IL1RAPL1: variants seen among roughly 807,000 people sequenced by gnomAD.
The protein encoded by IL1RAPL1 is interleukin-1 receptor accessory protein-like 1.
Under a neutral mutation model 48.4 loss-of-function variants are expected in IL1RAPL1, and 3 were observed. The observed-to-expected ratio is 0.06, with a 90% CI of 0.03 to 0.16. The LOEUF (loss-of-function observed/expected upper bound fraction) is 0.16, where lower values mean the gene tolerates loss of function less well. Among genes scored for constraint, IL1RAPL1 ranks in the 10% least tolerant of loss-of-function variants. The pLI, the probability that IL1RAPL1 is intolerant of heterozygous loss-of-function variation, is 1.00. For synonymous variants in IL1RAPL1, 185 were observed against 187.7 expected, an observed-to-expected ratio of 0.99 and a Z score of 0.12; for missense variants, 349 against 530.6, an observed-to-expected ratio of 0.66 and a Z score of 3.36.
intron 1 of IL1RAPL1, among the ~76,000 whole-genome samples, chrX:28,731,458 G>T (rs1328237297): frequency 1.8e-5 from 2 of 112,412 alleles, no homozygotes; most frequent in Admixed American, 1.9e-4. Context: ...GGACAAAAAA[G>T]AAGGGCATTT....
intron 2 of IL1RAPL1, among the ~76,000 whole-genome samples, chrX:28,892,077 T>C (rs980636947): frequency 9.0e-6 from 1 of 111,293 alleles, no homozygotes; most frequent in African/African-American, 3.3e-5. Flanking sequence ...TCTGTGCTAT[T>C]ATTGAATTAT....
At chrX:28,815,855 AT>A (rs1936860535) in intron 2 of IL1RAPL1, among the ~76,000 whole-genome samples, 1 of 66,188 alleles carries the variant, frequency 1.5e-5, no homozygotes, top group African/African-American at 4.9e-5. Flanking sequence ...ATATATATAT[AT>A]ATATATATAT....
chrX:29,001,772 G>A (rs1317307298), intron 2 of IL1RAPL1, among the ~76,000 whole-genome samples: 5 of 111,178 alleles, frequency 4.5e-5, no homozygotes, highest in African/African-American at 1.6e-4. Flanking sequence ...TTCATTCTGA[G>A]ATCATCAGAT....
intron 2 of IL1RAPL1, among the ~76,000 whole-genome samples, chrX:28,930,782 C>A (rs1052795918): frequency 5.4e-5 from 6 of 111,415 alleles, no homozygotes; most frequent in African/African-American, 2.0e-4. Context: ...GCTGGGACTA[C>A]AGGCACCTGC....
At chrX:29,031,727 A>G (rs769665284) in intron 2 of IL1RAPL1, among the ~76,000 whole-genome samples, 11 of 111,416 alleles carry the variant, frequency 9.9e-5, no homozygotes, top group Non-Finnish European at 1.9e-4. Flanking sequence ...GATGATTTCT[A>G]TAGTGGGAGC....
At chrX:29,800,704 G>A (rs1463215483) in intron 6 of IL1RAPL1, among the ~76,000 whole-genome samples, 1 of 106,799 alleles carries the variant, frequency 9.4e-6, no homozygotes, top group Admixed American at 1.0e-4. Flanking sequence ...CTCATCTTTG[G>A]CCAGGCGCAG....
intron 2 of IL1RAPL1, among the ~76,000 whole-genome samples, chrX:29,102,025 A>G (rs1928350394): frequency 8.9e-6 from 1 of 112,172 alleles, no homozygotes; most frequent in Non-Finnish European, 1.9e-5. Context: ...AGGCAAATCA[A>G]TCAGTGTGGT....
chrX:29,270,305 T>G (rs750255943), intron 2 of IL1RAPL1, among the ~76,000 whole-genome samples: 1 of 112,076 alleles, frequency 8.9e-6, no homozygotes, highest in East Asian at 2.8e-4. Context: ...GTCCATTTGT[T>G]CTTTTATGAG....
chrX:28,912,277 A>C (rs924466394), intron 2 of IL1RAPL1, among the ~76,000 whole-genome samples: 2 of 110,264 alleles, frequency 1.8e-5, no homozygotes, highest in Admixed American at 9.8e-5. Context: ...ATATCATAGT[A>C]GATACTACAC....
intron 1 of IL1RAPL1, among the ~76,000 whole-genome samples, chrX:28,637,587 C>G (rs1327179847): frequency 9.0e-6 from 1 of 111,510 alleles, no homozygotes; most frequent in Non-Finnish European, 1.9e-5. Context: ...GATATTTATG[C>G]TTGAAACTAA....
rs1336148262 is a variant in IL1RAPL1 at position 29,110,759 on chromosome X, C to T, written c.83-172179C>T. 2.5e-4 allele frequency among the ~76,000 whole-genome samples: 28 copies of T among 111,434 alleles called. No individual in the cohort carries two copies. In the Admixed American group the frequency reaches 2.6e-3, roughly 10 times the overall value. On this transcript the variant is annotated intron_variant, in intron 2 of 10. Transcript: ENST00000378993. The stretch of plus-strand genomic sequence containing the variant: ...TGTGTAGTTTCTGTGAGACGCTGAA[C>T]TCTTTGCCAAAAACTTAAGTTTCTT...
chrX:29,754,959 C>G (rs1303246837), intron 6 of IL1RAPL1, among the ~76,000 whole-genome samples: 1 of 112,529 alleles, frequency 8.9e-6, no homozygotes, highest in Non-Finnish European at 1.9e-5. Flanking sequence ...AGGTGTCAGT[C>G]AGGACTACAG....
In IL1RAPL1 at chrX:29,950,520, A is replaced by C. The variant is rs139880203; in HGVS notation, c.1202-4002A>C. Among the ~76,000 whole-genome samples, 877 of 111,062 alleles carry C rather than the reference A, an allele frequency of 7.9e-3. 8 individuals are homozygous for C. The highest frequency in any genetic ancestry group is 0.027 in the African/African-American group (823 of 30,514). Reference sequence around the variant, plus strand: ...CCTCAATCAGCAGCAGCATCTCTTGAGAGTTTGCTATAAATATAAATTCTA... The same window carrying C: ...CCTCAATCAGCAGCAGCATCTCTTGCGAGTTTGCTATAAATATAAATTCTA... On this transcript the variant is annotated intron_variant, in intron 9 of 10. Transcript: ENST00000378993.
At chrX:29,069,657 A>ACACG (rs1444608451) in intron 2 of IL1RAPL1, among the ~76,000 whole-genome samples, 2 of 107,846 alleles carry the variant, frequency 1.9e-5, no homozygotes, top group Admixed American at 9.9e-5. Flanking sequence ...ACACACACAC[A>ACACG]CACACACACA....
chrX:29,879,935 A>G (rs1158668550), intron 6 of IL1RAPL1, among the ~76,000 whole-genome samples: 1 of 111,573 alleles, frequency 9.0e-6, no homozygotes, highest in Non-Finnish European at 1.9e-5. Context: ...CTCTCTTTGC[A>G]TATGAGATTA....
intron 1 of IL1RAPL1, among the ~76,000 whole-genome samples, chrX:28,726,906 A>G (rs1935683455): frequency 8.9e-6 from 1 of 112,006 alleles, no homozygotes; most frequent in Admixed American, 9.5e-5. Flanking sequence ...GAGGAATCTA[A>G]TTGTAGATGC....
intron 5 of IL1RAPL1, among the ~76,000 whole-genome samples, chrX:29,495,455 A>G (rs768962532): frequency 1.8e-5 from 2 of 111,703 alleles, no homozygotes; most frequent in East Asian, 2.8e-4. Context: ...TTGTGCATCT[A>G]TCTCGTAATC....
intron 6 of IL1RAPL1, among the ~76,000 whole-genome samples, chrX:29,803,011 ATATGTG>A (rs1930035912): frequency 4.7e-5 from 3 of 63,299 alleles, no homozygotes; most frequent in Non-Finnish European, 8.4e-5. Context: ...GCATATATAC[ATATGTG>A]TACATATACA....
chrX:29,860,643 A>G (rs1320075679), intron 6 of IL1RAPL1, among the ~76,000 whole-genome samples: 1 of 111,305 alleles, frequency 9.0e-6, no homozygotes, highest in Non-Finnish European at 1.9e-5. Flanking sequence ...GTTTGCTGAG[A>G]ATGATGGTTT....
Sources: allele counts gnomAD v4.1 joint callset (sites outside exome capture counted in the v4.1 genomes callset), GRCh38; gene constraint gnomAD v4.1.1; transcripts MANE v1.5; gene names NCBI Gene and HGNC (gene_info 2026-07-23, HGNC 2026-07-21).